BMP7: variants seen among roughly 807,000 people sequenced by gnomAD.
The protein encoded by BMP7 is bone morphogenetic protein 7.
BMP7 carries 12 observed loss-of-function variants against 41.2 expected under a neutral mutation model. The ratio of observed to expected loss-of-function variants is 0.29; its 90% CI spans 0.19 to 0.47. The LOEUF is 0.47. BMP7 is among the 20% of genes least tolerant of loss of function. The pLI is 0.99. For missense variants in BMP7, 467 were observed against 606.0 expected (o/e 0.77, Z 2.41); for synonymous variants, 248 against 250.0 (o/e 0.99, Z 0.07).
chr20:57,252,323 T>C (rs552819197), intron 1 of BMP7, among the ~76,000 whole-genome samples: 1 of 152,194 alleles, frequency 6.6e-6, no homozygotes, highest in Non-Finnish European at 1.5e-5. Flanking sequence ...GCCCGCGGGC[T>C]GGGGTCTGAA....
Position 57,266,450 on chromosome 20 carries a change from C to A in BMP7, c.-328G>T, listed in dbSNP as rs984092272. 7 of 183,578 alleles carry A rather than the reference C, an allele frequency of 3.8e-5. No homozygotes were observed. The highest frequency in any genetic ancestry group is 9.4e-5 in the African/African-American group (4 of 42,422). The allele number at this position is 183,578 out of a possible 1,614,324, so 11.4% of individuals were successfully genotyped here. ...CAAGCCTAGGAGTCCAGAGAGCCAA[C>A]GCCGGGGAGGCAGCGAGGAGGCAGG... On this transcript the variant is annotated 5_prime_UTR_variant, in exon 1 of 7. Coordinates refer to ENST00000395863, the MANE Select transcript of BMP7 (RefSeq NM_001719.3).
At chr20:57,257,824 CAAAAAA>C (rs139904463) in intron 1 of BMP7, among the ~76,000 whole-genome samples, 1 of 103,268 alleles carries the variant, frequency 9.7e-6, no homozygotes, top group African/African-American at 3.6e-5. Context: ...CACAAGCCAC[CAAAAAA>C]AAAAAAAAAA....
At chr20:57,222,760 G>T (rs868607649) in intron 2 of BMP7, among the ~76,000 whole-genome samples, 31 of 151,578 alleles carry the variant, frequency 2.0e-4, no homozygotes, top group African/African-American at 7.3e-4. Context: ...CTGGGGCTGA[G>T]GTGTAGTGGC....
At position 57,176,791 on chromosome 20, in the gene BMP7, C is replaced by CA. The variant is rs1555811498; in HGVS notation, c.959-1785_959-1784insT. Among the ~76,000 whole-genome samples, 130 of 150,066 alleles carry CA rather than the reference C, an allele frequency of 8.7e-4. 2 individuals are homozygous for CA. In the East Asian group the frequency reaches 0.022, roughly 25 times the overall value. On this transcript the variant is annotated intron_variant, in intron 4 of 6. Transcript: ENST00000395863. The stretch of plus-strand genomic sequence containing the variant: ...ACACACACACACACACACACACACA[C>CA]CTGTTAACTGTTTGAATGCATGGCT...
chr20:57,254,654 A>C (rs1020484245), intron 1 of BMP7, among the ~76,000 whole-genome samples: 4 of 151,972 alleles, frequency 2.6e-5, no homozygotes, highest in South Asian at 4.2e-4. Context: ...CAGTAAAAAA[A>C]AAAAAACAAA....
At chr20:57,223,106 T>A (rs1383795703) in intron 2 of BMP7, among the ~76,000 whole-genome samples, 1 of 151,952 alleles carries the variant, frequency 6.6e-6, no homozygotes, top group Non-Finnish European at 1.5e-5. Flanking sequence ...GGTACATACT[T>A]GTAATCCCAG....
chr20:57,222,183 C>T (rs1600631479), intron 2 of BMP7, among the ~76,000 whole-genome samples: 1 of 152,186 alleles, frequency 6.6e-6, no homozygotes, highest in African/African-American at 2.4e-5. Context: ...CCGCCCGCCG[C>T]AAACACTCAG....
chr20:57,240,276 G>GA (rs1200225709), intron 1 of BMP7, among the ~76,000 whole-genome samples: 1 of 152,146 alleles, frequency 6.6e-6, no homozygotes, highest in Non-Finnish European at 1.5e-5. Context: ...CTAGGGTGGG[G>GA]AAAAAATGCC....
chr20:57,228,284 C>T lies in BMP7; in HGVS notation c.556G>A (p.Asp186Asn), dbSNP rs149261355. The T allele has an allele frequency of 4.3e-6, 7 of 1,614,100 alleles. No individual in the cohort carries two copies. The highest frequency in any genetic ancestry group is 4.2e-6 in the Non-Finnish European group (5 of 1,180,024). ...ACGCTGATCCGGAACGTCTCATTGTCGAAGCGTTCCCGGATGTAGTCCTTG... is the reference window on the plus strand; with the variant it reads ...ACGCTGATCCGGAACGTCTCATTGTTGAAGCGTTCCCGGATGTAGTCCTTG... ...IYKDYIRERFDNETFRISVYQ... is the reference protein window; with the variant it reads ...IYKDYIRERFNNETFRISVYQ... The change falls in exon 2 of 7, where the codon GAC (aspartate) becomes AAC (asparagine). Residue 186 changes from aspartate to asparagine, a missense_variant. By Grantham distance (23) the Asp-to-Asn change is conservative. Around this residue, in one of 2 missense-constraint regions of BMP7, gnomAD observed 407 missense variants for 485.9 expected, o/e 0.84. Coordinates refer to ENST00000395863, the MANE Select transcript of BMP7 (RefSeq NM_001719.3). The surrounding 1 kb of genome is among the most constrained non-coding windows in gnomAD (Gnocchi z 4.5).
chr20:57,256,314 C>T (rs2066134118), intron 1 of BMP7, among the ~76,000 whole-genome samples: 1 of 152,244 alleles, frequency 6.6e-6, no homozygotes, highest in Non-Finnish European at 1.5e-5. Flanking sequence ...GCTCTGGTTT[C>T]AGTAACACAC....
chr20:57,241,171 T>C (rs532290916), intron 1 of BMP7, among the ~76,000 whole-genome samples: 5 of 152,252 alleles, frequency 3.3e-5, no homozygotes, highest in African/African-American at 1.2e-4. Flanking sequence ...CACTCAGCCA[T>C]ACCAACTCTC....
chr20:57,247,437 CAG>C (rs1344081875), intron 1 of BMP7, among the ~76,000 whole-genome samples: 2 of 152,180 alleles, frequency 1.3e-5, no homozygotes, highest in African/African-American at 4.8e-5. Context: ...GGGACGAGAA[CAG>C]AGAGTTCCGT....
intron 3 of BMP7, among the ~76,000 whole-genome samples, chr20:57,191,591 G>A (rs191359976): frequency 3.3e-5 from 5 of 151,814 alleles, no homozygotes; most frequent in Non-Finnish European, 5.9e-5. Context: ...TTAGCTGGAC[G>A]TCATGGTGCA....
chr20:57,257,057 G>A lies in BMP7; in HGVS notation c.418+8648C>T, dbSNP rs139524093. ...TATCTTTCCTTCTGGCACCTTATTCGTAACATTCTGAGGACCTCAGCCTCT... is the reference window on the plus strand; with the variant it reads ...TATCTTTCCTTCTGGCACCTTATTCATAACATTCTGAGGACCTCAGCCTCT... On this transcript the variant is annotated intron_variant, in intron 1 of 6. Transcript: ENST00000395863. Among the ~76,000 whole-genome samples the A allele has an allele frequency of 8.5e-5, 13 of 152,166 alleles. 1 individual carries two copies. The East Asian group carries it at 9.6e-4, about 11-fold the overall frequency.
chr20:57,245,506 G>C (rs974308640), intron 1 of BMP7, among the ~76,000 whole-genome samples: 2 of 150,398 alleles, frequency 1.3e-5, no homozygotes. Flanking sequence ...GGCACCCTAC[G>C]GGGCCCAGAG....
intron 4 of BMP7, among the ~76,000 whole-genome samples, chr20:57,180,092 C>G (rs1984040492): frequency 1.3e-5 from 2 of 152,166 alleles, no homozygotes; most frequent in Non-Finnish European, 2.9e-5. Flanking sequence ...TCTGCCACAT[C>G]CTCTAAGGAG....
rs2066153982 is a variant in BMP7, at chr20:57,261,535, T to C, written c.418+4170A>G. ...AAAGTGGAGGAAAATCTTTGATTTATATAAGCAGGAAAATGAGGTTTAAAA... is the reference window on the plus strand; with the variant it reads ...AAAGTGGAGGAAAATCTTTGATTTACATAAGCAGGAAAATGAGGTTTAAAA... On this transcript the variant is annotated intron_variant, in intron 1 of 6. Coordinates refer to ENST00000395863, the MANE Select transcript of BMP7 (RefSeq NM_001719.3). This position sits in a 1 kb window ranked among gnomAD's most constrained non-coding sequence, Gnocchi z 4.1. 6.6e-6 allele frequency among the ~76,000 whole-genome samples: 1 copy of C among 152,242 alleles called. No individual in the cohort carries two copies. Among genetic ancestry groups the C allele is most frequent in the Admixed American group, 6.5e-5 (1 of 15,284 alleles).
intron 2 of BMP7, among the ~76,000 whole-genome samples, chr20:57,227,001 A>G (rs1035497030): frequency 6.6e-6 from 1 of 151,768 alleles, no homozygotes; most frequent in South Asian, 2.1e-4. Flanking sequence ...TAATTTTTCT[A>G]TTTTTAGTAG....
chr20:57,223,805 C>T (rs1226883474), intron 2 of BMP7, among the ~76,000 whole-genome samples: 3 of 152,216 alleles, frequency 2.0e-5, no homozygotes, highest in African/African-American at 7.2e-5. Flanking sequence ...CAAACACGCT[C>T]ATGGGGGCTA....
Sources: allele counts gnomAD v4.1 joint callset (sites outside exome capture counted in the v4.1 genomes callset), GRCh38; gene constraint gnomAD v4.1.1; regional missense constraint gnomAD v4.1.1; non-coding constraint Gnocchi (gnomAD v3.1); transcripts MANE v1.5; gene names NCBI Gene and HGNC (gene_info 2026-07-23, HGNC 2026-07-21).